DAPP1: variants seen among roughly 807,000 people sequenced by gnomAD.
The protein encoded by DAPP1 is dual adapter for phosphotyrosine and 3-phosphotyrosine and 3-phosphoinositide.
A neutral mutation model predicts 41.5 loss-of-function variants in DAPP1; 20 were observed. That is an observed-to-expected ratio of 0.48 (90% CI 0.34 to 0.70). The LOEUF (loss-of-function observed/expected upper bound fraction) is 0.70, where lower values mean the gene tolerates loss of function less well. Among genes scored for constraint, DAPP1 ranks in the 30% least tolerant of loss-of-function variants. The probability of loss-of-function intolerance (pLI) is 0.01; values close to 1 mark genes in which losing one functional copy is unlikely to be tolerated. For synonymous variants in DAPP1, 113 were observed against 116.2 expected (o/e 0.97, Z 0.18); for missense variants, 233 against 333.4 (o/e 0.70, Z 2.35).
At chr4:99,832,049 C>A (rs1053507992) in intron 1 of DAPP1, among the ~76,000 whole-genome samples, 1 of 149,960 alleles carries the variant, frequency 6.7e-6, no homozygotes, top group Non-Finnish European at 1.5e-5. Context: ...TTCGATCTTT[C>A]TTTTTAGAAC....
In DAPP1 at chr4:99,868,395, G is replaced by A; in HGVS notation, c.*210G>A. 1.7e-6 allele frequency: 1 copy of A among 577,476 alleles called. No individual in the cohort carries two copies. Among genetic ancestry groups the A allele is most frequent in the Non-Finnish European group, 3.1e-6 (1 of 323,432 alleles). The allele number at this position is 577,476 out of a possible 1,614,324, so 35.8% of individuals were successfully genotyped here. ...TTGCCATCTCCTTGAGAACACTGAA[G>A]CAATCACCATTCTGATAGAAAGTGC... On this transcript the variant is annotated 3_prime_UTR_variant, in exon 9 of 9. Coordinates refer to ENST00000512369, the MANE Select transcript of DAPP1 (RefSeq NM_014395.3).
intron 7 of DAPP1, 118 bp from the exon 8 acceptor site, chr4:99,865,916 T>TA (rs1553942185): frequency 2.5e-3 from 211 of 85,180 alleles, no homozygotes; most frequent in Non-Finnish European, 3.0e-3. Flanking sequence ...TATATATATA[T>TA]ATATATATAA....
At chr4:99,853,474 A>G in intron 4 of DAPP1, 126 bp downstream of exon 4, 1 of 1,322,048 alleles carries the variant, frequency 7.6e-7, no homozygotes, top group Non-Finnish European at 1.0e-6. Context: ...CTTGGAAAGG[A>G]ATGTGAGATT....
intron 6 of DAPP1, 140 bp downstream of exon 6, chr4:99,863,212 C>A: frequency 1.7e-6 from 1 of 604,882 alleles, no homozygotes. Context: ...ATTCTTGATT[C>A]CTGAAATGAG....
intron 2 of DAPP1, among the ~76,000 whole-genome samples, chr4:99,837,059 T>A (rs1478452818): frequency 1.3e-5 from 2 of 152,230 alleles, no homozygotes; most frequent in African/African-American, 4.8e-5. Context: ...CCATGGCTGT[T>A]TACCACATGG....
intron 5 of DAPP1, among the ~76,000 whole-genome samples, chr4:99,861,919 T>C (rs1007856967): frequency 2.0e-5 from 3 of 152,216 alleles, no homozygotes; most frequent in Non-Finnish European, 4.4e-5. Context: ...AAGTTTACTC[T>C]AGAACATCTT....
intron 1 of DAPP1, among the ~76,000 whole-genome samples, chr4:99,830,461 T>G (rs1481213969): frequency 6.6e-6 from 1 of 152,204 alleles, no homozygotes; most frequent in Non-Finnish European, 1.5e-5. Context: ...AATGAGCTAT[T>G]GGACATGCAT....
chr4:99,861,755 C>A (rs1177843668), intron 5 of DAPP1, 130 bp downstream of exon 5: 6 of 1,072,616 alleles, frequency 5.6e-6, no homozygotes, highest in Non-Finnish European at 6.9e-6. Flanking sequence ...TTGTAATATT[C>A]ACCTGACTCA....
At chr4:99,845,102 A>C (rs975030206) in intron 3 of DAPP1, among the ~76,000 whole-genome samples, 2 of 152,188 alleles carry the variant, frequency 1.3e-5, no homozygotes, top group African/African-American at 2.4e-5. Context: ...ACCTACATCA[A>C]CTTATTTCAT....
intron 8 of DAPP1, 82 bp downstream of exon 8, chr4:99,866,203 C>A: frequency 1.3e-6 from 1 of 768,444 alleles, no homozygotes; most frequent in Non-Finnish European, 2.2e-6. Flanking sequence ...TCAAAAGAGT[C>A]AGACTAGACC....
At chr4:99,839,446 C>T (rs1723422778) in intron 2 of DAPP1, among the ~76,000 whole-genome samples, 1 of 149,742 alleles carries the variant, frequency 6.7e-6, no homozygotes, top group Non-Finnish European at 1.5e-5. Context: ...TAATACTCTG[C>T]CTCATTTCAA....
intron 5 of DAPP1, among the ~76,000 whole-genome samples, chr4:99,862,576 A>C (rs779637768): frequency 1.9e-4 from 29 of 152,244 alleles, no homozygotes; most frequent in Non-Finnish European, 4.0e-4. Flanking sequence ...TATATCGTCC[A>C]TATTAGGTAC....
At chr4:99,824,550 G>A (rs146807838) in intron 1 of DAPP1, among the ~76,000 whole-genome samples, 2 of 152,232 alleles carry the variant, frequency 1.3e-5, no homozygotes, top group East Asian at 3.9e-4. Context: ...AGACCCCAAT[G>A]TACTTATAGC....
intron 1 of DAPP1, among the ~76,000 whole-genome samples, chr4:99,831,633 A>G (rs1280561762): frequency 6.6e-6 from 1 of 152,210 alleles, no homozygotes; most frequent in African/African-American, 2.4e-5. Flanking sequence ...CTAGGTGGAA[A>G]CTAGAAGAGG....
At chr4:99,819,671 A>G (rs551729100) in intron 1 of DAPP1, among the ~76,000 whole-genome samples, 3 of 139,744 alleles carry the variant, frequency 2.1e-5, no homozygotes, top group South Asian at 5.2e-4. Context: ...TGGATAGATA[A>G]AAGGTAGCTG....
intron 6 of DAPP1, 52 bp from the exon 7 acceptor site, chr4:99,863,718 G>GTTTTT (rs61359294): frequency 3.3e-5 from 29 of 884,864 alleles, no homozygotes; most frequent in South Asian, 6.6e-5. Flanking sequence ...AGATTTGTCT[G>GTTTTT]TTTTTTTTTT....
chr4:99,861,521 A>G (rs1472465329), intron 4 of DAPP1, 57 bp from the exon 5 acceptor site: 1 of 1,502,586 alleles, frequency 6.7e-7, no homozygotes, highest in African/African-American at 1.4e-5. Flanking sequence ...CATGAAAGGA[A>G]GGACAAACGT....
intron 8 of DAPP1, chr4:99,866,701 C>T: frequency 1.5e-6 from 1 of 651,988 alleles, no homozygotes; most frequent in Non-Finnish European, 2.8e-6. Flanking sequence ...AAGAACTTGT[C>T]CTTAAAGCTG....
Position 99,853,327 on chromosome 4 carries a change from C to T in DAPP1, c.468C>T (p.Asp156=), listed in dbSNP as rs901853231. Residue 156 remains aspartate, a synonymous_variant, in exon 4 of 9, where the codon GAC becomes GAT. Transcript: ENST00000512369. Reference sequence around the variant, plus strand: ...TGCAGACAGGAAGAACAGAAGATGACCTTGTGCCCACAGCACCTTCTGTAA... The same window carrying T: ...TGCAGACAGGAAGAACAGAAGATGATCTTGTGCCCACAGCACCTTCTGTAA... ...TAMQTGRTED[D]LVPTAPSLGT... 2 of 1,610,236 alleles carry T rather than the reference C, an allele frequency of 1.2e-6. No homozygotes were observed. The highest frequency in any genetic ancestry group is 8.5e-7 in the Non-Finnish European group (1 of 1,178,028).
Sources: gnomAD v4.1 joint callset for allele counts (sites outside exome capture counted in the v4.1 genomes callset) on GRCh38, gnomAD v4.1.1 for gene constraint, MANE v1.5 for transcripts, NCBI Gene and HGNC (gene_info 2026-07-23, HGNC 2026-07-21) for gene names.